Variants in RGS7 observed in about 807,000 individuals in gnomAD.
RGS7 encodes regulator of G protein signaling 7, also known as regulator of G-protein signaling 7.
A neutral mutation model predicts 81.1 loss-of-function variants in RGS7; 27 were observed. The observed-to-expected ratio is 0.33, with a 90% confidence interval of 0.25 to 0.46. The LOEUF (loss-of-function observed/expected upper bound fraction) is 0.46. RGS7 is among the 20% of genes least tolerant of loss of function. The pLI, the probability that RGS7 is intolerant of heterozygous loss-of-function variation, is 1.00. For missense variants in RGS7, 396 were observed against 607.4 expected (o/e 0.65, Z 3.66); for synonymous variants, 208 against 207.7 (o/e 1.00, Z -0.01).
chr1:241,237,476 T>C (rs565808092), intron 2 of RGS7, among the ~76,000 whole-genome samples: 1 of 152,164 alleles, frequency 6.6e-6, no homozygotes, highest in East Asian at 1.9e-4. Context: ...CGCACCAGAA[T>C]GTCTAGAGGA....
intron 2 of RGS7, among the ~76,000 whole-genome samples, chr1:241,343,861 AT>A (rs901936966): frequency 6.6e-6 from 1 of 152,172 alleles, no homozygotes; most frequent in African/African-American, 2.4e-5. Context: ...TATGATATAT[AT>A]TTTTACCACA....
chr1:241,199,612 CAT>C (rs113019886), intron 2 of RGS7, among the ~76,000 whole-genome samples: 3,695 of 148,942 alleles, frequency 0.025, 119 homozygotes, highest in African/African-American at 0.071. Flanking sequence ...AAAGCCAAAA[CAT>C]GTGAGGATTT....
At chr1:240,781,897 C>T (rs1026383408) in intron 18 of RGS7, among the ~76,000 whole-genome samples, 1 of 152,026 alleles carries the variant, frequency 6.6e-6, no homozygotes, top group Non-Finnish European at 1.5e-5. Flanking sequence ...CACCTGTAAT[C>T]CCAGCTACTC....
At chr1:241,081,341 A>G (rs1282253809) in intron 3 of RGS7, among the ~76,000 whole-genome samples, 1 of 152,224 alleles carries the variant, frequency 6.6e-6, no homozygotes, top group Non-Finnish European at 1.5e-5. Context: ...TAACATTTAA[A>G]TGCTAGCTAA....
intron 4 of RGS7, among the ~76,000 whole-genome samples, chr1:240,952,550 C>T (rs1235761784): frequency 6.6e-6 from 1 of 151,752 alleles, no homozygotes; most frequent in African/African-American, 2.4e-5. Context: ...TTAAACTGCT[C>T]AATTAAAACC....
chr1:240,948,570 G>C (rs1243753422), intron 4 of RGS7, among the ~76,000 whole-genome samples: 1 of 152,026 alleles, frequency 6.6e-6, no homozygotes, highest in East Asian at 1.9e-4. Context: ...AGCCTCCTGA[G>C]TAGCTAGGAT....
Position 241,293,539 on chromosome 1 carries a change from C to T in RGS7, c.78+62160G>A, listed in dbSNP as rs545528764. On this transcript the variant is annotated intron_variant, in intron 2 of 18. Coordinates refer to ENST00000440928, the MANE Select transcript of RGS7 (RefSeq NM_001364886.1). Reference sequence around the variant, plus strand: ...ATATGGATGATCCTGACCCTGTGTACGCTGAGGCTAAGGCTGCATTTGTGT... The same window carrying T: ...ATATGGATGATCCTGACCCTGTGTATGCTGAGGCTAAGGCTGCATTTGTGT... Among the ~76,000 whole-genome samples, 146 of 151,836 alleles carry T rather than the reference C, an allele frequency of 9.6e-4. 3 individuals are homozygous for T. The highest frequency in any genetic ancestry group is 3.3e-3 in the African/African-American group (135 of 41,390).
Position 241,164,621 on chromosome 1 carries a change from T to C in RGS7, c.79-65859A>G, listed in dbSNP as rs533259503. ...ACTAGATAGGCCAGGTCTGGCAGAC[T>C]GTTGCTAGCTTTACCTCATCTTTCA... On this transcript the variant is annotated intron_variant, in intron 2 of 18. Coordinates refer to ENST00000440928, the MANE Select transcript of RGS7 (RefSeq NM_001364886.1). The surrounding 1 kb of genome is among the most constrained non-coding windows in gnomAD (Gnocchi z 4.1). Among the ~76,000 whole-genome samples the C allele has an allele frequency of 2.6e-5, 4 of 152,296 alleles. No homozygotes were observed. Among genetic ancestry groups the C allele is most frequent in the African/African-American group, 9.6e-5 (4 of 41,564 alleles).
chr1:241,045,824 T>A (rs939004992), intron 3 of RGS7, among the ~76,000 whole-genome samples: 1 of 152,186 alleles, frequency 6.6e-6, no homozygotes, highest in South Asian at 2.1e-4. Context: ...GTGGTTTCTA[T>A]TCTCTTTAAA....
chr1:241,168,443 C>A (rs976097611), intron 2 of RGS7, among the ~76,000 whole-genome samples: 1 of 152,114 alleles, frequency 6.6e-6, no homozygotes, highest in Non-Finnish European at 1.5e-5. Flanking sequence ...GGCAGATACT[C>A]ACTAGGGTGG....
intron 3 of RGS7, among the ~76,000 whole-genome samples, chr1:241,078,697 T>C (rs1264828126): frequency 1.3e-5 from 2 of 152,176 alleles, no homozygotes; most frequent in Non-Finnish European, 2.9e-5. Flanking sequence ...TCTGTTTACT[T>C]ATAAGACCAT....
At chr1:240,905,582 G>A (rs1383435237) in intron 6 of RGS7, among the ~76,000 whole-genome samples, 1 of 152,184 alleles carries the variant, frequency 6.6e-6, no homozygotes, top group African/African-American at 2.4e-5. Context: ...AGGATATGAA[G>A]CCCAGTTAGT....
rs559746330 is a variant in RGS7 at position 240,989,434 on chromosome 1, CA to C, written c.176-6306del. 2.1e-3 allele frequency among the ~76,000 whole-genome samples: 291 copies of C among 140,214 alleles called. 1 individual carries two copies. In the South Asian group the frequency reaches 0.022, roughly 11 times the overall value. 92.0% of individuals were successfully genotyped at this position (140,214 alleles called of 152,430 possible). On this transcript the variant is annotated intron_variant, in intron 3 of 18. Coordinates refer to ENST00000440928, the MANE Select transcript of RGS7 (RefSeq NM_001364886.1). ...CTGGCGACAGAGTGAGACACTGTCTCAAAAAAAAAAAAGATACCAGATAATG... is the reference window on the plus strand; with the variant it reads ...CTGGCGACAGAGTGAGACACTGTCTCAAAAAAAAAAAGATACCAGATAATG...
chr1:241,196,385 T>TA (rs147544944), intron 2 of RGS7, among the ~76,000 whole-genome samples: 8,374 of 151,084 alleles, frequency 0.055, 558 homozygotes, highest in African/African-American at 0.16. Context: ...AAAAAATGTG[T>TA]AAAAAAAAAC....
At position 240,967,045 on chromosome 1, in the gene RGS7, C is replaced by T. The variant is rs148728592; in HGVS notation, c.226+16034G>A. 3.8e-3 allele frequency among the ~76,000 whole-genome samples: 575 copies of T among 152,252 alleles called. 5 individuals carry two copies. The highest frequency in any genetic ancestry group is 0.013 in the African/African-American group (559 of 41,546). ...TCTAGTGAATATGTGGCTCAGACTT[C>T]GGGAAATGTCCTAAGTCAGACCATG... On this transcript the variant is annotated intron_variant, in intron 4 of 18. Transcript: ENST00000440928.
intron 6 of RGS7, among the ~76,000 whole-genome samples, chr1:240,902,647 G>A (rs17313083): frequency 0.13 from 19,482 of 152,132 alleles, 1,365 homozygotes; most frequent in Middle Eastern, 0.18. Flanking sequence ...TGGTCTTTAA[G>A]TCAGACAAAT....
At chr1:240,963,525 A>C (rs1219946058) in intron 4 of RGS7, among the ~76,000 whole-genome samples, 1 of 152,202 alleles carries the variant, frequency 6.6e-6, no homozygotes, top group Non-Finnish European at 1.5e-5. Context: ...ATGGAAGCTA[A>C]AAAGGAGTGA....
In RGS7 at chr1:240,878,487, TTC is replaced by T. The variant is rs1404525925; in HGVS notation, c.386-8370_386-8369del. Among the ~76,000 whole-genome samples the T allele has an allele frequency of 2.3e-4, 20 of 85,640 alleles. No individual in the cohort carries two copies. In the East Asian group the frequency reaches 4.2e-3, roughly 18 times the overall value. The allele number at this position is 85,640 out of a possible 152,430, so 56.2% of individuals were successfully genotyped here. A position where few individuals can be genotyped will look rare whatever the true frequency, so the allele number is the denominator to read the frequency against. On this transcript the variant is annotated intron_variant, in intron 6 of 18. Transcript: ENST00000440928. The stretch of plus-strand genomic sequence containing the variant: ...TTCTTTTCTTTCTTTTCTTTTTTCT[TTC>T]TTTTTTTTTTTTTTTTGCTTTGATG...
At chr1:241,145,579 C>G (rs936634469) in intron 2 of RGS7, among the ~76,000 whole-genome samples, 1 of 152,112 alleles carries the variant, frequency 6.6e-6, no homozygotes, top group Non-Finnish European at 1.5e-5. Flanking sequence ...CACCTGAGGT[C>G]AGGATTTCAA....
Sources: allele counts gnomAD v4.1 joint callset (sites outside exome capture counted in the v4.1 genomes callset), GRCh38; gene constraint gnomAD v4.1.1; non-coding constraint Gnocchi (gnomAD v3.1); transcripts MANE v1.5; gene names NCBI Gene and HGNC (gene_info 2026-07-23, HGNC 2026-07-21).